Variants in PSMG2 observed in about 807,000 individuals in gnomAD.
The protein encoded by PSMG2 is CD40 ligand-activated specific transcript 3.
Under a neutral mutation model 31.5 loss-of-function variants are expected in PSMG2, and 21 were observed. That is an observed-to-expected ratio of 0.67 (90% CI 0.47 to 0.96). PSMG2 has a LOEUF of 0.96. Among genes scored for constraint, PSMG2 ranks in the 40% least tolerant of loss-of-function variants. PSMG2 has a pLI of 0.00. For synonymous variants in PSMG2, 120 were observed against 110.4 expected, an observed-to-expected ratio of 1.09 and a Z score of -0.54; for missense variants, 318 against 321.2, an observed-to-expected ratio of 0.99 and a Z score of 0.08.
At chr18:12,712,037 G>A (rs763794766) in intron 2 of PSMG2, among the ~76,000 whole-genome samples, 6 of 152,112 alleles carry the variant, frequency 3.9e-5, no homozygotes, top group African/African-American at 1.4e-4. Flanking sequence ...GATTACAGGC[G>A]TGAGCCACCA....
chr18:12,680,886 C>T (rs1325471448), intron 1 of PSMG2: 1 of 1,408,664 alleles, frequency 7.1e-7, no homozygotes, highest in East Asian at 2.4e-5. Flanking sequence ...TCATTACATA[C>T]TTAAATACTA....
In PSMG2 at chr18:12,706,597, T is replaced by A; in HGVS notation, c.105T>A (p.Ile35=). Residue 35 remains isoleucine, a synonymous_variant, in exon 2 of 7, where the codon ATT becomes ATA. Transcript: ENST00000317615. ...GNVGQLAMDL[I]ISTLNMSKIG... is the part of the protein sequence containing the mutation. ...TTGGCCAGCTTGCAATGGATCTGAT[T>A]ATTTCTACACTGAATATGTCTAAGA... 6.2e-7 allele frequency: 1 copy of A among 1,614,124 alleles called. No individual in the cohort carries two copies. Among genetic ancestry groups the A allele is most frequent in the Non-Finnish European group, 8.5e-7 (1 of 1,180,012 alleles).
chr18:12,694,651 C>T (rs1367669856), intron 1 of PSMG2, among the ~76,000 whole-genome samples: 1 of 152,138 alleles, frequency 6.6e-6, no homozygotes, highest in Non-Finnish European at 1.5e-5. Flanking sequence ...CGTTAAAATC[C>T]CATCCCACTG....
At chr18:12,712,277 C>G (rs114337643) in intron 2 of PSMG2, among the ~76,000 whole-genome samples, 1 of 152,134 alleles carries the variant, frequency 6.6e-6, no homozygotes, top group Non-Finnish European at 1.5e-5. Flanking sequence ...CATTCTCCTA[C>G]CTTTTACTGT....
chr18:12,681,421 A>T (rs749551682), intron 1 of PSMG2, among the ~76,000 whole-genome samples: 37 of 151,360 alleles, frequency 2.4e-4, no homozygotes, highest in Non-Finnish European at 3.8e-4. Flanking sequence ...TAATTTTAAA[A>T]TTTTTTTTGT....
At chr18:12,724,865 C>G in intron 6 of PSMG2, 1 of 422,812 alleles carries the variant, frequency 2.4e-6, no homozygotes, top group Non-Finnish European at 4.1e-6. Context: ...ATTGTACTTA[C>G]TATTCATGTT....
intron 1 of PSMG2, among the ~76,000 whole-genome samples, chr18:12,682,171 T>TC (rs2039374262): frequency 1.3e-5 from 2 of 152,146 alleles, no homozygotes; most frequent in Admixed American, 1.3e-4. Context: ...TCTTTTTTTT[T>TC]TCCTCTCTTT....
At chr18:12,704,933 T>C (rs1255752023) in intron 1 of PSMG2, among the ~76,000 whole-genome samples, 1 of 151,492 alleles carries the variant, frequency 6.6e-6, no homozygotes, top group Admixed American at 6.6e-5. Context: ...ACAAAAGGAG[T>C]TGTTGGAAGA....
At chr18:12,671,999 T>C (rs2038960200) in intron 1 of PSMG2, among the ~76,000 whole-genome samples, 1 of 151,606 alleles carries the variant, frequency 6.6e-6, no homozygotes, top group African/African-American at 2.4e-5. Flanking sequence ...TTTGTATCTT[T>C]AGTAGAGACA....
chr18:12,723,326 C>CCT (rs2040447993), intron 5 of PSMG2, among the ~76,000 whole-genome samples: 1 of 152,074 alleles, frequency 6.6e-6, no homozygotes, highest in Non-Finnish European at 1.5e-5. Context: ...ATCTCCATCT[C>CCT]ATCACTAGCT....
At position 12,725,446 on chromosome 18, in the gene PSMG2, A is replaced by G; in HGVS notation, c.710A>G (p.Asp237Gly). The G allele has an allele frequency of 6.3e-7, 1 of 1,586,542 alleles. No homozygotes were observed. The highest frequency in any genetic ancestry group is 1.7e-5 in the Admixed American group (1 of 59,212). ...TTTGTTCTTCAATTACAGAGCGATG[A>G]CCCCACAGTATCTGCCTCACGGTGG... is the stretch of plus-strand genomic sequence containing the variant. The part of the protein sequence containing the change: ...WLQILKPLSD[D>G]PTVSASRWKI... The change falls in exon 7 of 7, where the codon GAC becomes GGC. Residue 237 changes from aspartate to glycine, a missense_variant. Asp to Gly is a moderately conservative substitution (Grantham distance 94). Coordinates refer to ENST00000317615, the MANE Select transcript of PSMG2 (RefSeq NM_020232.5).
At chr18:12,678,192 G>A (rs780891111) in intron 1 of PSMG2, 2 of 1,614,186 alleles carry the variant, frequency 1.2e-6, no homozygotes, top group East Asian at 4.5e-5. Context: ...GATGCACACA[G>A]AGGTGGAAAG....
intron 1 of PSMG2, among the ~76,000 whole-genome samples, chr18:12,682,282 C>G (rs1281797317): frequency 6.6e-6 from 1 of 151,768 alleles, no homozygotes; most frequent in African/African-American, 2.4e-5. Flanking sequence ...CTTGATGTCC[C>G]CAGCTCAAGT....
At chr18:12,688,211 A>C (rs2039616300) in intron 1 of PSMG2, among the ~76,000 whole-genome samples, 1 of 139,724 alleles carries the variant, frequency 7.2e-6, no homozygotes. Flanking sequence ...AGCCTGGGCG[A>C]GAGCGAGACT....
upstream of PSMG2, among the ~76,000 whole-genome samples, chr18:12,698,405 G>T (rs1306828909): frequency 2.0e-5 from 3 of 152,024 alleles, no homozygotes; most frequent in Non-Finnish European, 4.4e-5. Flanking sequence ...CTGACCTCAG[G>T]TGACCCACCT....
At chr18:12,700,887 A>C, upstream of PSMG2, 1 of 1,275,260 alleles carries the variant, frequency 7.8e-7, no homozygotes, top group Non-Finnish European at 1.1e-6. Flanking sequence ...CCACATCGGA[A>C]CCTTATAAGT....
At chr18:12,696,014 C>T (rs893065088) in intron 1 of PSMG2, among the ~76,000 whole-genome samples, 4 of 152,132 alleles carry the variant, frequency 2.6e-5, no homozygotes, top group African/African-American at 7.2e-5. Context: ...AACAAATATA[C>T]TTCACATCAA....
At chr18:12,712,592 G>A (rs2040341748) in intron 2 of PSMG2, 110 bp from the exon 3 acceptor site, 1 of 759,076 alleles carries the variant, frequency 1.3e-6, no homozygotes, top group African/African-American at 1.8e-5. Flanking sequence ...TTTAATTATT[G>A]AAAACATTTA....
At chr18:12,697,201 A>G (rs2039986932) in intron 1 of PSMG2, 2 of 1,511,858 alleles carry the variant, frequency 1.3e-6, no homozygotes, top group Non-Finnish European at 9.0e-7. Flanking sequence ...AAAGGTTAAC[A>G]ATGATATATT....
Sources: allele counts gnomAD v4.1 joint callset (sites outside exome capture counted in the v4.1 genomes callset), GRCh38; gene constraint gnomAD v4.1.1; transcripts MANE v1.5; gene names NCBI Gene and HGNC (gene_info 2026-07-23, HGNC 2026-07-21).